The following DLGAP2 variants were observed in gnomAD, a reference collection of about 807,000 sequenced individuals.
The protein encoded by DLGAP2 is disks large-associated protein 2.
Under a neutral mutation model 100.3 loss-of-function variants are expected in DLGAP2, and 26 were observed. The ratio of observed to expected loss-of-function variants is 0.26; its 90% CI spans 0.19 to 0.36. DLGAP2 has a LOEUF of 0.36. DLGAP2 is among the 10% of genes least tolerant of loss of function. DLGAP2 has a pLI of 1.00. For missense variants in DLGAP2, 1,858 were observed against 1,453.2 expected (o/e 1.28, Z -4.53); for synonymous variants, 886 against 630.1 (o/e 1.41, Z -6.08).
At chr8:1,385,994 A>G (rs1054494494) in intron 3 of DLGAP2, among the ~76,000 whole-genome samples, 1 of 152,256 alleles carries the variant, frequency 6.6e-6, no homozygotes, top group African/African-American at 2.4e-5. Flanking sequence ...GATTGGAGCA[A>G]TTCCCAGGCA....
intron 8 of DLGAP2, among the ~76,000 whole-genome samples, chr8:1,666,415 G>C (rs944375020): frequency 6.6e-6 from 1 of 152,170 alleles, no homozygotes. Flanking sequence ...GCTCACACCT[G>C]TAATCCCAGT....
intron 1 of DLGAP2, among the ~76,000 whole-genome samples, chr8:758,811 CT>C (rs1286016776): frequency 1.3e-5 from 2 of 152,118 alleles, no homozygotes; most frequent in East Asian, 3.9e-4. Context: ...ATCTACCCGC[CT>C]CAGCTCCCGA....
chr8:1,237,164 CTAGTTCTCTCACATGGCGCCGTGTG>C lies in DLGAP2; in HGVS notation c.74-21674_74-21650del, dbSNP rs1297198944. Among the ~76,000 whole-genome samples, 74 of 137,922 alleles carry C rather than the reference CTAGTTCTCTCACATGGCGCCGTGTG, an allele frequency of 5.4e-4. 10 individuals are homozygous for C. Among genetic ancestry groups the C allele is most frequent in the Admixed American group, 6.3e-4 (9 of 14,322 alleles). The allele number at this position is 137,922 out of a possible 152,430, so 90.5% of individuals were successfully genotyped here. On this transcript the variant is annotated intron_variant, in intron 2 of 14. Coordinates refer to ENST00000637795, the MANE Select transcript of DLGAP2 (RefSeq NM_001346810.2). ...CTAGTTCTCTCACATGGCGCCGTGT[CTAGTTCTCTCACATGGCGCCGTGTG>C]TAGTTCTCTCACGTGGTGCCGTGTC...
chr8:1,465,752 G>T (rs1480706494), intron 3 of DLGAP2, among the ~76,000 whole-genome samples: 1 of 152,238 alleles, frequency 6.6e-6, no homozygotes, highest in Non-Finnish European at 1.5e-5. Context: ...AGCAGACCAA[G>T]GGTGGAAACT....
intron 2 of DLGAP2, among the ~76,000 whole-genome samples, chr8:1,007,228 G>T (rs547423289): frequency 2.9e-4 from 44 of 152,272 alleles, no homozygotes; most frequent in African/African-American, 1.0e-3. Context: ...CTTAGGATAC[G>T]GTCAGTCCCA....
intron 2 of DLGAP2, among the ~76,000 whole-genome samples, chr8:1,257,508 G>A (rs544733097): frequency 2.4e-4 from 24 of 98,712 alleles, no homozygotes; most frequent in Admixed American, 1.6e-3. Context: ...TGCCTTTCCT[G>A]GGACGTCTGT....
At chr8:1,313,844 C>T (rs924853917) in intron 3 of DLGAP2, among the ~76,000 whole-genome samples, 2 of 151,770 alleles carry the variant, frequency 1.3e-5, no homozygotes, top group Non-Finnish European at 2.9e-5. Flanking sequence ...GATAACCATC[C>T]CCCTCTCATA....
chr8:1,293,488 A>G (rs1457347943), intron 3 of DLGAP2, among the ~76,000 whole-genome samples: 1 of 152,176 alleles, frequency 6.6e-6, no homozygotes, highest in Non-Finnish European at 1.5e-5. Flanking sequence ...AGCTCATCTC[A>G]GTGAGATTAA....
At chr8:1,408,213 C>G (rs1023234025) in intron 3 of DLGAP2, among the ~76,000 whole-genome samples, 23 of 152,336 alleles carry the variant, frequency 1.5e-4, no homozygotes, top group African/African-American at 5.5e-4. Flanking sequence ...TCCTTGTGCT[C>G]TTTCCACCTG....
intron 12 of DLGAP2, 26 bp from the exon 13 acceptor site, chr8:1,691,509 T>A: frequency 1.9e-6 from 3 of 1,596,920 alleles, no homozygotes; most frequent in Non-Finnish European, 2.6e-6. Context: ...TTGTTGTTTT[T>A]TTGTTTTTGT....
intron 2 of DLGAP2, among the ~76,000 whole-genome samples, chr8:1,062,549 C>T (rs1233484821): frequency 1.3e-5 from 2 of 152,168 alleles, no homozygotes; most frequent in African/African-American, 4.8e-5. Context: ...TCCCCTGGTG[C>T]GGTGGCATCA....
chr8:1,170,616 G>GTGTATGTGTCGAGGAA (rs1797109358), intron 2 of DLGAP2, among the ~76,000 whole-genome samples: 1 of 137,188 alleles, frequency 7.3e-6, no homozygotes, highest in African/African-American at 2.6e-5. Context: ...TCTTGGGAGA[G>GTGTATGTGTCGAGGAA]TGTATGTGTC....
intron 3 of DLGAP2, among the ~76,000 whole-genome samples, chr8:1,303,513 A>C (rs961630939): frequency 2.6e-5 from 4 of 152,018 alleles, no homozygotes; most frequent in Non-Finnish European, 5.9e-5. Flanking sequence ...AGCTTCGCAG[A>C]CCCTGCTGGG....
chr8:743,719 A>G, intron 1 of DLGAP2, among the ~76,000 whole-genome samples: 1 of 152,086 alleles, frequency 6.6e-6, no homozygotes, highest in Non-Finnish European at 1.5e-5. Flanking sequence ...GTGCACCACC[A>G]CACCCAGCTA....
chr8:1,507,683 G>C (rs1179040609), intron 4 of DLGAP2, among the ~76,000 whole-genome samples: 3 of 151,798 alleles, frequency 2.0e-5, no homozygotes, highest in Non-Finnish European at 2.9e-5. Context: ...GTGATGTGCT[G>C]AGCTTCTGTC....
At chr8:1,013,370 A>C (rs1207736006) in intron 2 of DLGAP2, among the ~76,000 whole-genome samples, 5 of 152,166 alleles carry the variant, frequency 3.3e-5, no homozygotes, top group African/African-American at 1.2e-4. Flanking sequence ...AGGAGAGGGG[A>C]GAGCCTCACG....
At chr8:1,121,648 C>G (rs1796051085) in intron 2 of DLGAP2, among the ~76,000 whole-genome samples, 1 of 152,064 alleles carries the variant, frequency 6.6e-6, no homozygotes, top group Admixed American at 6.5e-5. Context: ...CCCTGATCAC[C>G]CATCCTCATG....
chr8:1,044,436 T>C (rs1409124552), intron 2 of DLGAP2, among the ~76,000 whole-genome samples: 3 of 152,194 alleles, frequency 2.0e-5, no homozygotes, highest in African/African-American at 7.2e-5. Flanking sequence ...CACAGACAGC[T>C]GGGTGAGTTG....
chr8:970,710 C>A (rs1405246895), intron 2 of DLGAP2, among the ~76,000 whole-genome samples: 1 of 152,084 alleles, frequency 6.6e-6, no homozygotes. Context: ...ACAAATGGCT[C>A]TTAAAATTTA....
Sources: allele counts gnomAD v4.1 joint callset (sites outside exome capture counted in the v4.1 genomes callset), GRCh38; gene constraint gnomAD v4.1.1; transcripts MANE v1.5; gene names NCBI Gene and HGNC (gene_info 2026-07-23, HGNC 2026-07-21).